BAHD1: variants seen among roughly 807,000 people sequenced by gnomAD.
The protein encoded by BAHD1 is bromo adjacent homology domain containing 1.
Under a neutral mutation model 63.1 loss-of-function variants are expected in BAHD1, and 20 were observed. That is an observed-to-expected ratio of 0.32 (90% confidence interval 0.22 to 0.46). The LOEUF (loss-of-function observed/expected upper bound fraction) is 0.46, where lower values mean the gene tolerates loss of function less well. BAHD1 is among the 20% of genes least tolerant of loss of function. The probability of loss-of-function intolerance (pLI) is 1.00; values close to 1 mark genes in which losing one functional copy is unlikely to be tolerated. For synonymous variants in BAHD1, 408 were observed against 426.8 expected (o/e 0.96, Z 0.54); for missense variants, 939 against 1,071.8 (o/e 0.88, Z 1.73).
intron 5 of BAHD1, 159 bp downstream of exon 5, chr15:40,464,706 T>C (rs1215783629): frequency 4.8e-6 from 3 of 627,464 alleles, no homozygotes; most frequent in Non-Finnish European, 8.5e-6. Flanking sequence ...CCAGGATTTA[T>C]TCTCTTTTCC....
Position 40,458,660 on chromosome 15 carries a change from A to G in BAHD1, c.196A>G (p.Lys66Glu). 1 of 1,613,818 alleles carries G rather than the reference A, an allele frequency of 6.2e-7. No individual in the cohort carries two copies. The highest frequency in any genetic ancestry group is 8.5e-7 in the Non-Finnish European group (1 of 1,179,882). ...TCGTAAGCGCCCATTGGTTCCTGAG[A>G]AGCCCAAGGCCTGCAAAGTGCTGCT... ...PLRKRPLVPE[K>E]PKACKVLLTR... The change falls in exon 2 of 7, where the codon AAG becomes GAG. Residue 66 changes from lysine to glutamate, a missense_variant. Physicochemically the swap from Lys to Glu is moderately conservative, Grantham distance 56. Coordinates refer to ENST00000416165, the MANE Select transcript of BAHD1 (RefSeq NM_014952.5). This position sits in a 1 kb window ranked among gnomAD's most constrained non-coding sequence, Gnocchi z 4.7.
intron 1 of BAHD1, chr15:40,453,790 C>G (rs901416258): frequency 6.6e-6 from 1 of 151,262 alleles, no homozygotes; most frequent in Non-Finnish European, 1.5e-5. Flanking sequence ...TACCCCCGGC[C>G]CCCCCCAACC....
At chr15:40,461,463 C>T (rs1222453611) in intron 2 of BAHD1, among the ~76,000 whole-genome samples, 1 of 152,048 alleles carries the variant, frequency 6.6e-6, no homozygotes, top group East Asian at 1.9e-4. Context: ...CATGGTGAAA[C>T]CCTATCTCTA....
intron 1 of BAHD1, among the ~76,000 whole-genome samples, chr15:40,450,469 G>A (rs964649337): frequency 1.3e-5 from 2 of 152,314 alleles, no homozygotes; most frequent in East Asian, 1.9e-4. Flanking sequence ...ACCAACACTC[G>A]TTCTTTGCCA....
intron 5 of BAHD1, 90 bp downstream of exon 5, chr15:40,464,637 G>C: frequency 9.0e-7 from 1 of 1,108,892 alleles, no homozygotes; most frequent in Non-Finnish European, 1.3e-6. Flanking sequence ...GGGCAGCCAT[G>C]GGCTGTAGTC....
chr15:40,464,574 G>GAGAC, intron 5 of BAHD1, 27 bp downstream of exon 5: 6 of 1,588,862 alleles, frequency 3.8e-6, no homozygotes, highest in Non-Finnish European at 5.2e-6. Flanking sequence ...ATGGGTCAGG[G>GAGAC]AGGGCAGGAG....
In BAHD1 at chr15:40,459,309, C is replaced by G. The variant is rs201881866; in HGVS notation, c.845C>G (p.Pro282Arg). ...GGCTGGCAAGGCTGCCCTGATGAAC[C>G]ATGGCCATCTGCAACTCCTTGTGGG... ...PPGWQGCPDE[P>R]WPSATPCGPS... The change falls in exon 2 of 7, where the codon CCA becomes CGA. Residue 282 changes from proline to arginine, a missense_variant. By Grantham distance (103) the Pro-to-Arg change is moderately radical. Transcript: ENST00000416165. 8.7e-6 allele frequency: 14 copies of G among 1,613,058 alleles called. No homozygotes were observed. In the Admixed American group the frequency reaches 2.0e-4, roughly 23 times the overall value.
intron 1 of BAHD1, among the ~76,000 whole-genome samples, chr15:40,444,450 G>A (rs1284548539): frequency 1.3e-5 from 2 of 152,118 alleles, no homozygotes; most frequent in Admixed American, 6.5e-5. Context: ...CTACCTCACC[G>A]GACCACCATT....
At chr15:40,463,796 C>A in intron 3 of BAHD1, 65 bp from the exon 4 acceptor site, 2 of 1,561,318 alleles carry the variant, frequency 1.3e-6, no homozygotes, top group East Asian at 2.3e-5. Flanking sequence ...ATGTCATTCC[C>A]TCTCTCTGTC....
chr15:40,437,713 C>T (rs1893303009), upstream of BAHD1, among the ~76,000 whole-genome samples: 1 of 152,222 alleles, frequency 6.6e-6, no homozygotes, highest in Non-Finnish European at 1.5e-5. Context: ...GCCACCACTG[C>T]AGGGACTGCA....
upstream of BAHD1, among the ~76,000 whole-genome samples, chr15:40,440,383 T>C (rs1893364336): frequency 6.6e-6 from 1 of 151,954 alleles, no homozygotes; most frequent in Non-Finnish European, 1.5e-5. Context: ...GGGCCCTTTC[T>C]GCAGGAAAGG....
upstream of BAHD1, among the ~76,000 whole-genome samples, chr15:40,437,705 C>A (rs1486048838): frequency 2.0e-5 from 3 of 152,226 alleles, no homozygotes; most frequent in African/African-American, 7.2e-5. Context: ...TGGTCACTGC[C>A]ACCACTGCAG....
In BAHD1 at chr15:40,459,017, C is replaced by G; in HGVS notation, c.553C>G (p.Pro185Ala). 6.3e-7 allele frequency: 1 copy of G among 1,593,664 alleles called. No homozygotes were observed. Among genetic ancestry groups the G allele is most frequent in the Non-Finnish European group, 8.6e-7 (1 of 1,168,342 alleles). The change falls in exon 2 of 7, where the codon CCA (proline) becomes GCA (alanine). Residue 185 changes from proline (P) to alanine (A), a missense_variant. Coordinates refer to ENST00000416165, the MANE Select transcript of BAHD1 (RefSeq NM_014952.5). The part of the protein sequence containing the change: ...DLGGGSRDLS[P>A]EPAPDEGPRR... ...TGGAGGAGGAAGTCGGGACCTGTCT[C>G]CAGAGCCAGCACCCGATGAAGGTCC...
chr15:40,438,014 G>A (rs1315482744), upstream of BAHD1, among the ~76,000 whole-genome samples: 2 of 152,174 alleles, frequency 1.3e-5, no homozygotes, highest in East Asian at 1.9e-4. Context: ...GCAGCAGCCC[G>A]GGAAAGACTC....
rs566655200 is a variant in BAHD1, at chr15:40,448,726, G to C, written c.-15+7458G>C. On this transcript the variant is annotated intron_variant, in intron 1 of 6. Coordinates refer to ENST00000416165, the MANE Select transcript of BAHD1 (RefSeq NM_014952.5). The stretch of plus-strand genomic sequence containing the variant: ...TAATTTTTTATTTTTGTAGAGACAG[G>C]GTCTCACTGTATTGCCCAGGCTGGT... Among the ~76,000 whole-genome samples the C allele has an allele frequency of 3.3e-5, 5 of 152,128 alleles. No individual in the cohort carries two copies. The South Asian group carries it at 1.0e-3, about 32-fold the overall frequency.
chr15:40,445,738 G>A (rs1422768928), intron 1 of BAHD1, among the ~76,000 whole-genome samples: 3 of 152,220 alleles, frequency 2.0e-5, no homozygotes, highest in African/African-American at 7.2e-5. Flanking sequence ...TCTCAATGGG[G>A]AAGCATTTTA....
At chr15:40,464,317 C>T in intron 4 of BAHD1, 154 bp from the exon 5 acceptor site, 2 of 698,060 alleles carry the variant, frequency 2.9e-6, no homozygotes, top group South Asian at 1.8e-5. Context: ...GCATTCCAGG[C>T]CTCTGAATGC....
At chr15:40,456,801 C>G (rs1893863200) in intron 1 of BAHD1, among the ~76,000 whole-genome samples, 2 of 152,212 alleles carry the variant, frequency 1.3e-5, no homozygotes, top group African/African-American at 2.4e-5. Flanking sequence ...GCTGAAAAAC[C>G]TGGGCCCGCT....
intron 1 of BAHD1, among the ~76,000 whole-genome samples, chr15:40,455,687 G>A (rs1305089792): frequency 2.6e-5 from 4 of 152,186 alleles, no homozygotes; most frequent in Admixed American, 6.5e-5. Flanking sequence ...CCTCAAAGAC[G>A]ACAAGCCCAG....
Sources: gnomAD v4.1 joint callset for allele counts (sites outside exome capture counted in the v4.1 genomes callset) on GRCh38, gnomAD v4.1.1 for gene constraint, Gnocchi (gnomAD v3.1) non-coding constraint, MANE v1.5 for transcripts, NCBI Gene and HGNC (gene_info 2026-07-23, HGNC 2026-07-21) for gene names.